The following CDC25C variants were observed in gnomAD, a reference collection of about 807,000 sequenced individuals.
CDC25C encodes M-phase inducer phosphatase 3.
Under a neutral mutation model 52.5 loss-of-function variants are expected in CDC25C, and 48 were observed. That is an observed-to-expected ratio of 0.91 (90% confidence interval 0.72 to 1.16). The LOEUF (loss-of-function observed/expected upper bound fraction) is 1.16. Ranked by LOEUF, CDC25C falls within the 50% of genes most tolerant of loss-of-function variation. The pLI is 0.00. For missense variants in CDC25C, 510 were observed against 566.1 expected (o/e 0.90, Z 1.01); for synonymous variants, 187 against 206.5 (o/e 0.91, Z 0.81).
intron 7 of CDC25C, among the ~76,000 whole-genome samples, chr5:138,297,363 GT>G (rs1329130408): frequency 6.6e-6 from 1 of 152,088 alleles, no homozygotes; most frequent in Non-Finnish European, 1.5e-5. Flanking sequence ...GCCCGGCCTA[GT>G]TCTTTATTTC....
chr5:138,331,330 G>GGGT, intron 1 of CDC25C, 112 bp from the exon 2 acceptor site: 1 of 781,692 alleles, frequency 1.3e-6, no homozygotes, highest in East Asian at 2.7e-5. Flanking sequence ...CAACCCCGAA[G>GGGT]GGTGATTCAC....
intron 7 of CDC25C, 31 bp from the exon 8 acceptor site, chr5:138,292,147 T>C (rs1333355374): frequency 6.3e-7 from 1 of 1,597,184 alleles, no homozygotes; most frequent in South Asian, 1.1e-5. Flanking sequence ...CCCTAGTTCT[T>C]ACTCCTCCAA....
At chr5:138,313,214 A>G (rs999492107) in intron 7 of CDC25C, among the ~76,000 whole-genome samples, 11 of 151,980 alleles carry the variant, frequency 7.2e-5, no homozygotes, top group Admixed American at 5.9e-4. Context: ...TGTCTCTACT[A>G]AAAATACAAA....
chr5:138,315,418 G>A (rs1758802968), intron 7 of CDC25C, among the ~76,000 whole-genome samples: 1 of 152,108 alleles, frequency 6.6e-6, no homozygotes, highest in South Asian at 2.1e-4. Context: ...TGTATTCTCT[G>A]TGGATAACAG....
At chr5:138,338,324 A>T (rs1034946889) in exon 1 of CDC25C, 3 of 491,082 alleles carry the variant, frequency 6.1e-6, no homozygotes, top group Non-Finnish European at 1.1e-5. Context: ...GGTGGAGGGC[A>T]GGTGGCGCTG....
chr5:138,297,280 C>T (rs909097248), intron 7 of CDC25C, among the ~76,000 whole-genome samples: 2 of 152,094 alleles, frequency 1.3e-5, no homozygotes, highest in Non-Finnish European at 2.9e-5. Flanking sequence ...ACACTGGTCT[C>T]GAACTCCTGA....
intron 7 of CDC25C, among the ~76,000 whole-genome samples, chr5:138,310,929 T>C (rs1281041270): frequency 6.6e-6 from 1 of 152,210 alleles, no homozygotes; most frequent in South Asian, 2.1e-4. Context: ...TAAAGATTTA[T>C]AAAATGACTT....
chr5:138,308,851 C>T (rs1451725772), intron 7 of CDC25C, among the ~76,000 whole-genome samples: 1 of 151,928 alleles, frequency 6.6e-6, no homozygotes, highest in Non-Finnish European at 1.5e-5. Context: ...TAGTTTAAAC[C>T]CTGGCTCTGC....
chr5:138,329,637 T>C lies in CDC25C; in HGVS notation c.205A>G (p.Lys69Glu). ...AGATTCGAAAGATCGAGGCAACGTTTTGGGGTTCCTCTGTTGAGACATAAT... is the reference window on the plus strand; with the variant it reads ...AGATTCGAAAGATCGAGGCAACGTTCTGGGGTTCCTCTGTTGAGACATAAT... Reference protein sequence around the residue: ...NLSILSGGTPKRCLDLSNLSS... With the variant: ...NLSILSGGTPERCLDLSNLSS... Residue 69 changes from lysine (K) to glutamate (E), a missense_variant, in exon 3 of 14, where the codon AAA becomes GAA. Physicochemically the swap from Lys to Glu is moderately conservative, Grantham distance 56. Transcript: ENST00000323760. 2 of 1,607,160 alleles carry C rather than the reference T, an allele frequency of 1.2e-6. No individual in the cohort carries two copies. Among genetic ancestry groups the C allele is most frequent in the Non-Finnish European group, 8.5e-7 (1 of 1,173,988 alleles).
intron 7 of CDC25C, among the ~76,000 whole-genome samples, chr5:138,298,967 C>T (rs1483294254): frequency 4.8e-5 from 7 of 145,134 alleles, no homozygotes; most frequent in East Asian, 4.2e-4. Flanking sequence ...CTGAGGCGGG[C>T]GGATCACCTG....
chr5:138,304,301 T>G (rs1435186207), intron 7 of CDC25C, among the ~76,000 whole-genome samples: 1 of 149,110 alleles, frequency 6.7e-6, no homozygotes, highest in East Asian at 2.0e-4. Context: ...CCTGAGTAGC[T>G]GGGACTACAG....
chr5:138,293,159 C>T lies in CDC25C; in HGVS notation c.616-1043G>A, dbSNP rs151250191. On this transcript the variant is annotated intron_variant, in intron 7 of 13. Coordinates refer to ENST00000323760, the MANE Select transcript of CDC25C (RefSeq NM_001790.5). ...AGCTGATGGTACCGTCCACATTATA[C>T]GTACCCTTAGACTCCTTCCAAACAT... Among the ~76,000 whole-genome samples the T allele has an allele frequency of 4.0e-3, 611 of 152,318 alleles. 4 individuals carry two copies. Among genetic ancestry groups the T allele is most frequent in the South Asian group, 0.033 (158 of 4,826 alleles).
chr5:138,311,473 T>C (rs1049063047), intron 7 of CDC25C, among the ~76,000 whole-genome samples: 1 of 152,096 alleles, frequency 6.6e-6, no homozygotes, highest in Non-Finnish European at 1.5e-5. Context: ...TGCATGCCTG[T>C]AGTACTAGCT....
chr5:138,290,237 C>A (rs978132947), intron 9 of CDC25C, among the ~76,000 whole-genome samples: 6 of 151,982 alleles, frequency 3.9e-5, no homozygotes, highest in African/African-American at 9.7e-5. Context: ...AGAAAAAAAT[C>A]TGTAAGAATA....
chr5:138,314,945 T>G (rs1253808674), intron 7 of CDC25C, among the ~76,000 whole-genome samples: 2 of 114,336 alleles, frequency 1.7e-5, no homozygotes, highest in South Asian at 6.5e-4. Flanking sequence ...TTTTTTTTTT[T>G]GAGTTAGAGT....
intron 7 of CDC25C, among the ~76,000 whole-genome samples, chr5:138,313,192 A>G (rs1758582860): frequency 6.6e-6 from 1 of 152,048 alleles, no homozygotes; most frequent in Non-Finnish European, 1.5e-5. Flanking sequence ...CCTGGCCAAC[A>G]TGGTGAAACC....
intron 3 of CDC25C, among the ~76,000 whole-genome samples, chr5:138,329,217 T>A (rs774843846): frequency 1.3e-5 from 2 of 152,172 alleles, no homozygotes; most frequent in African/African-American, 2.4e-5. Flanking sequence ...ACATATTTCT[T>A]TATGCTGGTT....
intron 7 of CDC25C, among the ~76,000 whole-genome samples, chr5:138,310,943 A>G (rs1220062137): frequency 6.6e-6 from 1 of 152,262 alleles, no homozygotes; most frequent in Non-Finnish European, 1.5e-5. Flanking sequence ...ATGACTTACT[A>G]CAAAGCTGCA....
intron 6 of CDC25C, 46 bp downstream of exon 6, chr5:138,325,768 CA>C: frequency 7.3e-7 from 1 of 1,377,376 alleles, no homozygotes; most frequent in Admixed American, 1.7e-5. Context: ...TTTCTTCACT[CA>C]AAAAATAAAA....
Sources: allele counts gnomAD v4.1 joint callset (sites outside exome capture counted in the v4.1 genomes callset), GRCh38; gene constraint gnomAD v4.1.1; transcripts MANE v1.5; gene names NCBI Gene and HGNC (gene_info 2026-07-23, HGNC 2026-07-21).